The following NRG2 variants were observed in gnomAD, a reference collection of about 807,000 sequenced individuals.
The protein encoded by NRG2 is neuregulin 2, also known as pro-neuregulin-2, membrane-bound isoform.
A neutral mutation model predicts 73.9 loss-of-function variants in NRG2; 27 were observed. That is an observed-to-expected ratio of 0.37 (90% CI 0.27 to 0.50). NRG2 has a LOEUF of 0.50. NRG2 is among the 20% of genes least tolerant of loss of function. The pLI is 0.96. For synonymous variants in NRG2, 532 were observed against 541.0 expected, an observed-to-expected ratio of 0.98 and a Z score of 0.23; for missense variants, 1,126 against 1,210.1, an observed-to-expected ratio of 0.93 and a Z score of 1.03.
intron 4 of NRG2, among the ~76,000 whole-genome samples, chr5:139,866,868 C>T (rs1232039531): frequency 6.6e-6 from 1 of 152,170 alleles, no homozygotes; most frequent in Admixed American, 6.5e-5. Context: ...CATGCCCAGC[C>T]CTGTACTCTC....
intron 1 of NRG2, among the ~76,000 whole-genome samples, chr5:139,944,318 T>C (rs2126439708): frequency 6.6e-6 from 1 of 152,328 alleles, no homozygotes; most frequent in Non-Finnish European, 1.5e-5. Context: ...TTAACTATAG[T>C]CATCCTACTG....
At chr5:139,994,976 C>T (rs1017330758) in intron 1 of NRG2, among the ~76,000 whole-genome samples, 2 of 152,154 alleles carry the variant, frequency 1.3e-5, no homozygotes, top group Non-Finnish European at 2.9e-5. Flanking sequence ...TGTGAAAGGC[C>T]TTGGAGGCCA....
rs551229191 is a variant in NRG2 at position 139,971,379 on chromosome 5, C to T, written c.700+70991G>A. The stretch of plus-strand genomic sequence containing the variant: ...CTAGGTAGGCATTTGCTTTGCAACA[C>T]ATCTGTCCTTAGGGGGCAGCCAACA... On this transcript the variant is annotated intron_variant, in intron 1 of 9. Transcript: ENST00000361474. 3.7e-4 allele frequency among the ~76,000 whole-genome samples: 56 copies of T among 152,268 alleles called. No homozygotes were observed. In the South Asian group the frequency reaches 8.5e-3, roughly 23 times the overall value.
chr5:140,034,085 A>G (rs943089950), intron 1 of NRG2, among the ~76,000 whole-genome samples: 1 of 151,564 alleles, frequency 6.6e-6, no homozygotes, highest in African/African-American at 2.4e-5. Context: ...CAGCCTCCCC[A>G]GTAGCTGGGA....
intron 1 of NRG2, among the ~76,000 whole-genome samples, chr5:139,953,472 C>G (rs972418203): frequency 6.9e-4 from 105 of 152,322 alleles, no homozygotes; most frequent in Middle Eastern, 3.4e-3. Context: ...CCTCACTGCA[C>G]TCCATCCTCC....
intron 1 of NRG2, among the ~76,000 whole-genome samples, chr5:139,888,411 G>A (rs1231470454): frequency 6.6e-6 from 1 of 152,208 alleles, no homozygotes; most frequent in Non-Finnish European, 1.5e-5. Flanking sequence ...TTTGCCACGT[G>A]TTAGGCTGGT....
At chr5:140,042,334 C>T (rs1477365169) in intron 1 of NRG2, 36 bp downstream of exon 1, 20 of 1,453,732 alleles carry the variant, frequency 1.4e-5, no homozygotes, top group Non-Finnish European at 1.7e-5. Context: ...CCTCGCCCCT[C>T]CCCCCTTTCT....
chr5:139,906,124 T>C (rs985591198), intron 1 of NRG2, among the ~76,000 whole-genome samples: 3 of 151,964 alleles, frequency 2.0e-5, no homozygotes, highest in Non-Finnish European at 4.4e-5. Flanking sequence ...TCTCCTGCCT[T>C]AGCCTCCTGA....
intron 1 of NRG2, among the ~76,000 whole-genome samples, chr5:139,923,509 ATC>A (rs1438940872): frequency 1.3e-5 from 2 of 152,136 alleles, no homozygotes; most frequent in Non-Finnish European, 2.9e-5. Context: ...GTAGCCTCAG[ATC>A]TGTCTCAGAC....
intron 1 of NRG2, among the ~76,000 whole-genome samples, chr5:139,920,314 G>T (rs1024899381): frequency 3.3e-5 from 5 of 152,192 alleles, no homozygotes; most frequent in Admixed American, 2.0e-4. Flanking sequence ...AAAGTTCTTA[G>T]AACAGAGATA....
intron 5 of NRG2, chr5:139,861,785 T>A (rs751186787): frequency 3.9e-6 from 2 of 513,254 alleles, no homozygotes; most frequent in Non-Finnish European, 7.8e-6. Flanking sequence ...CACCTCTCAC[T>A]GAGTAGTTAA....
intron 1 of NRG2, among the ~76,000 whole-genome samples, chr5:140,041,207 G>A (rs548349761): frequency 2.0e-5 from 3 of 152,274 alleles, no homozygotes; most frequent in Middle Eastern, 3.4e-3. Context: ...TTCTATGAGA[G>A]TACAGGACAT....
intron 1 of NRG2, among the ~76,000 whole-genome samples, chr5:140,019,842 T>C (rs1425618683): frequency 6.6e-6 from 1 of 152,182 alleles, no homozygotes; most frequent in Non-Finnish European, 1.5e-5. Context: ...AACCTCAGCC[T>C]CCTGGATTAA....
At chr5:139,901,869 C>T (rs1425433671) in intron 1 of NRG2, among the ~76,000 whole-genome samples, 1 of 152,242 alleles carries the variant, frequency 6.6e-6, no homozygotes, top group African/African-American at 2.4e-5. Flanking sequence ...TAAAACAACA[C>T]AGCAACTACA....
chr5:140,003,729 G>A (rs1043037169), intron 1 of NRG2, among the ~76,000 whole-genome samples: 2 of 152,110 alleles, frequency 1.3e-5, no homozygotes, highest in Admixed American at 6.5e-5. Context: ...GGTTAAAAAG[G>A]GGAGTTTGTC....
intron 1 of NRG2, among the ~76,000 whole-genome samples, chr5:139,968,425 A>G (rs989678760): frequency 6.6e-6 from 1 of 152,178 alleles, no homozygotes; most frequent in African/African-American, 2.4e-5. Flanking sequence ...CTCCCTATAG[A>G]GAAGAGGCCT....
At chr5:139,897,940 C>T (rs150699158) in intron 1 of NRG2, among the ~76,000 whole-genome samples, 1,865 of 152,326 alleles carry the variant, frequency 0.012, 16 homozygotes, top group Middle Eastern at 0.017. Context: ...CAGCCTCCTT[C>T]CATGAGACTG....
rs933710645 is a variant in NRG2 at position 139,869,310 on chromosome 5, T to C, written c.1112+2411A>G. On this transcript the variant is annotated intron_variant, in intron 4 of 9. Transcript: ENST00000361474. The surrounding 1 kb of genome is among the most constrained non-coding windows in gnomAD (Gnocchi z 4.5). The stretch of plus-strand genomic sequence containing the variant: ...TAGAAACTGGAATGAAACTGACCAG[T>C]GTAGTTTCATTATCCAAGCTAAGCG... 1 of 151,942 alleles carries C rather than the reference T, an allele frequency of 6.6e-6. No homozygotes were observed. Among genetic ancestry groups the C allele is most frequent in the African/African-American group, 2.4e-5 (1 of 41,326 alleles). 9.4% of individuals were successfully genotyped at this position (151,942 alleles called of 1,614,324 possible). A position where few individuals can be genotyped will look rare whatever the true frequency, so the allele number is the denominator to read the frequency against.
chr5:140,004,862 A>G (rs1306529029), intron 1 of NRG2, among the ~76,000 whole-genome samples: 1 of 152,194 alleles, frequency 6.6e-6, no homozygotes, highest in Non-Finnish European at 1.5e-5. Context: ...TCATTGTACT[A>G]TGGTTATGTA....
Sources: allele counts gnomAD v4.1 joint callset (sites outside exome capture counted in the v4.1 genomes callset), GRCh38; gene constraint gnomAD v4.1.1; non-coding constraint Gnocchi (gnomAD v3.1); transcripts MANE v1.5; gene names NCBI Gene and HGNC (gene_info 2026-07-23, HGNC 2026-07-21).